Variants in L3MBTL4 observed in about 807,000 individuals in gnomAD.
L3MBTL4 encodes L3MBTL histone methyl-lysine binding protein 4.
In L3MBTL4, 70 loss-of-function variants were observed where a neutral mutation model predicts 84.5. The observed-to-expected ratio is 0.83, with a 90% CI of 0.68 to 1.01. L3MBTL4 has a LOEUF of 1.01. Ranked by LOEUF, L3MBTL4 falls within the 50% of genes least tolerant of loss-of-function variation. L3MBTL4 has a pLI of 0.00. For synonymous variants in L3MBTL4, 274 were observed against 259.8 expected, an observed-to-expected ratio of 1.05 and a Z score of -0.52; for missense variants, 715 against 754.8, an observed-to-expected ratio of 0.95 and a Z score of 0.62.
At chr18:6,258,933 T>A (rs1178229224) in intron 5 of L3MBTL4, 1 of 152,038 alleles carries the variant, frequency 6.6e-6, no homozygotes, top group Non-Finnish European at 1.5e-5. Flanking sequence ...ACTGCATAAA[T>A]CACCAAGAAG....
At chr18:5,958,031 G>A (rs956674360) in intron 18 of L3MBTL4, among the ~76,000 whole-genome samples, 2 of 51,912 alleles carry the variant, frequency 3.9e-5, no homozygotes, top group Admixed American at 1.7e-4. Context: ...AGGAGAAAGA[G>A]GAGGAGGAGG....
intron 14 of L3MBTL4, among the ~76,000 whole-genome samples, chr18:6,099,843 A>C (rs1208984540): frequency 6.6e-6 from 1 of 152,028 alleles, no homozygotes; most frequent in East Asian, 1.9e-4. Flanking sequence ...AAATCTATAT[A>C]TCTATATCTA....
chr18:6,320,878 C>T (rs1221979015), intron 1 of L3MBTL4, among the ~76,000 whole-genome samples: 1 of 152,022 alleles, frequency 6.6e-6, no homozygotes, highest in East Asian at 1.9e-4. Context: ...CAGCATGGTA[C>T]TGGTATAAAA....
At chr18:6,294,237 A>C (rs2146735448) in intron 4 of L3MBTL4, among the ~76,000 whole-genome samples, 1 of 152,324 alleles carries the variant, frequency 6.6e-6, no homozygotes, top group Admixed American at 6.5e-5. Flanking sequence ...CAATCTTTAC[A>C]AAATATCAAT....
intron 10 of L3MBTL4, among the ~76,000 whole-genome samples, chr18:6,223,491 A>G (rs2046648298): frequency 6.6e-6 from 1 of 152,210 alleles, no homozygotes; most frequent in Admixed American, 6.5e-5. Context: ...TAAAGTAAGT[A>G]CCTAATATAA....
At chr18:5,988,214 C>T (rs540901972) in intron 16 of L3MBTL4, among the ~76,000 whole-genome samples, 211 of 152,212 alleles carry the variant, frequency 1.4e-3, no homozygotes, top group Non-Finnish European at 2.4e-3. Flanking sequence ...AGAAAGTTAC[C>T]CTCTAAAGTC....
intron 1 of L3MBTL4, among the ~76,000 whole-genome samples, chr18:6,356,218 A>G (rs2143888752): frequency 6.6e-6 from 1 of 152,336 alleles, no homozygotes; most frequent in South Asian, 2.1e-4. Flanking sequence ...GATGACATTT[A>G]CACTCCAAAG....
chr18:6,007,980 T>C (rs542479552), intron 16 of L3MBTL4, among the ~76,000 whole-genome samples: 1 of 152,346 alleles, frequency 6.6e-6, no homozygotes, highest in South Asian at 2.1e-4. Flanking sequence ...TTTTGTACCA[T>C]GTGAACTGGC....
At chr18:6,043,681 A>T (rs1336855049) in intron 16 of L3MBTL4, among the ~76,000 whole-genome samples, 1 of 152,152 alleles carries the variant, frequency 6.6e-6, no homozygotes, top group Non-Finnish European at 1.5e-5. Flanking sequence ...TTCAGTGAAG[A>T]CAGGTTCGAT....
At chr18:6,288,187 C>CA (rs1453891474) in intron 4 of L3MBTL4, among the ~76,000 whole-genome samples, 3 of 152,162 alleles carry the variant, frequency 2.0e-5, no homozygotes, top group Non-Finnish European at 4.4e-5. Context: ...AAAAGCTATA[C>CA]AATCTCTCTG....
intron 16 of L3MBTL4, among the ~76,000 whole-genome samples, chr18:6,018,932 G>A (rs1279503409): frequency 2.6e-5 from 4 of 152,136 alleles, no homozygotes; most frequent in African/African-American, 9.7e-5. Context: ...CAACTTGTTG[G>A]CATCCTGAAA....
chr18:6,064,400 T>C (rs900129726), intron 16 of L3MBTL4, among the ~76,000 whole-genome samples: 2 of 152,016 alleles, frequency 1.3e-5, no homozygotes, highest in Admixed American at 1.3e-4. Flanking sequence ...TAAAGAATGA[T>C]GATGGTATTT....
intron 14 of L3MBTL4, among the ~76,000 whole-genome samples, chr18:6,109,709 C>T (rs545381371): frequency 6.6e-6 from 1 of 152,132 alleles, no homozygotes; most frequent in Non-Finnish European, 1.5e-5. Context: ...TGCCCGTGCA[C>T]CCCAGAAGAT....
chr18:6,267,591 C>G (rs190264372), intron 4 of L3MBTL4, among the ~76,000 whole-genome samples: 1 of 152,304 alleles, frequency 6.6e-6, no homozygotes, highest in Non-Finnish European at 1.5e-5. Flanking sequence ...GGCTCTAAAG[C>G]AAATACAGAT....
At chr18:6,206,507 A>G (rs1371946967) in intron 12 of L3MBTL4, among the ~76,000 whole-genome samples, 2 of 152,142 alleles carry the variant, frequency 1.3e-5, no homozygotes, top group Non-Finnish European at 2.9e-5. Context: ...TGGGGGAGTT[A>G]TCCAGGGAGT....
At chr18:6,126,965 G>C (rs996506175) in intron 14 of L3MBTL4, among the ~76,000 whole-genome samples, 1 of 152,194 alleles carries the variant, frequency 6.6e-6, no homozygotes, top group African/African-American at 2.4e-5. Context: ...AAGTGACAAA[G>C]GAATCAGATA....
chr18:6,077,718 CT>C (rs1361475567), intron 16 of L3MBTL4, among the ~76,000 whole-genome samples: 1 of 146,492 alleles, frequency 6.8e-6, no homozygotes, highest in Admixed American at 6.8e-5. Context: ...GCCCATTTTC[CT>C]TAAAAAAAAA....
intron 16 of L3MBTL4, among the ~76,000 whole-genome samples, chr18:6,067,041 C>A (rs957740463): frequency 6.6e-6 from 1 of 151,716 alleles, no homozygotes; most frequent in African/African-American, 2.4e-5. Flanking sequence ...GACTTTATCT[C>A]TCCTTCATTT....
chr18:6,036,795 T>C (rs1344325806), intron 16 of L3MBTL4, among the ~76,000 whole-genome samples: 2 of 152,214 alleles, frequency 1.3e-5, no homozygotes, highest in African/African-American at 2.4e-5. Context: ...TGTTTGATTG[T>C]TGTAGGCTGT....
Sources: allele counts gnomAD v4.1 joint callset (sites outside exome capture counted in the v4.1 genomes callset), GRCh38; gene constraint gnomAD v4.1.1; transcripts MANE v1.5; gene names NCBI Gene and HGNC (gene_info 2026-07-23, HGNC 2026-07-21).